The following AQP6 variants were observed in gnomAD, a reference collection of about 807,000 sequenced individuals.
The protein encoded by AQP6 is aquaporin 6, also known as aquaporin-6.
AQP6 carries 14 observed loss-of-function variants against 16.3 expected under a neutral mutation model. The ratio of observed to expected loss-of-function variants is 0.86; its 90% CI spans 0.57 to 1.34. AQP6 has a LOEUF of 1.34. Among genes scored for constraint, AQP6 ranks in the 40% most tolerant of loss-of-function variants. The pLI is 0.00. For missense variants in AQP6, 331 were observed against 379.7 expected (o/e 0.87, Z 1.07); for synonymous variants, 178 against 166.8 (o/e 1.07, Z -0.52).
rs954112173 is a variant in AQP6 at position 49,976,753 on chromosome 12, C to T, written c.*1082C>T. Reference sequence around the variant, plus strand: ...AGCCCACTCTCAGGCAGGAACAATCCTCAGAGGGGAAGTGCCCATCTAGCC... The same window carrying T: ...AGCCCACTCTCAGGCAGGAACAATCTTCAGAGGGGAAGTGCCCATCTAGCC... On this transcript the variant is annotated 3_prime_UTR_variant, in exon 4 of 4. Coordinates refer to ENST00000315520, the MANE Select transcript of AQP6 (RefSeq NM_001652.4). 5.6e-6 allele frequency: 3 copies of T among 540,406 alleles called. No individual in the cohort carries two copies. The highest frequency in any genetic ancestry group is 3.8e-5 in the African/African-American group (2 of 52,178). The allele number at this position is 540,406 out of a possible 1,614,324, so 33.5% of individuals were successfully genotyped here.
intron 1 of AQP6, 120 bp downstream of exon 1, chr12:49,973,695 C>T (rs1171851085): frequency 1.5e-6 from 2 of 1,366,252 alleles, no homozygotes; most frequent in Non-Finnish European, 1.9e-6. Flanking sequence ...GCAGGCTCCA[C>T]ATCCTCCCGG....
At position 49,975,471 on chromosome 12, in the gene AQP6, T is replaced by C. The variant is rs1337687287; in HGVS notation, c.649T>C (p.Trp217Arg). ...IGKFTVHWVF[W>R]VGPLMGALLA... is the part of the protein sequence containing the mutation. Reference sequence around the variant, plus strand: ...ACGACATCCTTCTCCTCAGGTCTTCTGGGTGGGGCCCCTGATGGGAGCCCT... The same window carrying C: ...ACGACATCCTTCTCCTCAGGTCTTCCGGGTGGGGCCCCTGATGGGAGCCCT... Residue 217 changes from tryptophan to arginine, a missense_variant, in exon 4 of 4, where the codon TGG (tryptophan) becomes CGG (arginine). Trp to Arg is a moderately radical substitution (Grantham distance 101). Transcript: ENST00000315520. The surrounding 1 kb of genome is among the most constrained non-coding windows in gnomAD (Gnocchi z 4.4). 1 of 1,599,102 alleles carries C rather than the reference T, an allele frequency of 6.3e-7. No homozygotes were observed. The highest frequency in any genetic ancestry group is 1.3e-5 in the African/African-American group (1 of 74,104).
chr12:49,974,929 A>C, intron 3 of AQP6, 103 bp downstream of exon 3: 2 of 1,512,610 alleles, frequency 1.3e-6, no homozygotes, highest in Non-Finnish European at 1.8e-6. Flanking sequence ...GGCCAGGGTG[A>C]ATGTCTTGGC....
rs1490236931 is a variant in AQP6 at position 49,975,132 on chromosome 12, G to C, written c.642+306G>C. The C allele has an allele frequency of 1.5e-6, 2 of 1,301,456 alleles. No homozygotes were observed. Among genetic ancestry groups the C allele is most frequent in the Non-Finnish European group, 1.9e-6 (2 of 1,025,830 alleles). The allele number at this position is 1,301,456 out of a possible 1,614,324, so 80.6% of individuals were successfully genotyped here. ...CAAACAGAAATAGACACACACACCA[G>C]CAGAGACAGAAACAGCAATAGCCAG... On this transcript the variant is annotated intron_variant, in intron 3 of 3. Coordinates refer to ENST00000315520, the MANE Select transcript of AQP6 (RefSeq NM_001652.4). This position sits in a 1 kb window ranked among gnomAD's most constrained non-coding sequence, Gnocchi z 4.4.
In AQP6 at chr12:49,975,488, G is replaced by A; in HGVS notation, c.666G>A (p.Met222Ile). 6.2e-7 allele frequency: 1 copy of A among 1,605,518 alleles called. No individual in the cohort carries two copies. The highest frequency in any genetic ancestry group is 8.5e-7 in the Non-Finnish European group (1 of 1,177,426). ...AGGTCTTCTGGGTGGGGCCCCTGAT[G>A]GGAGCCCTCCTGGCCTCACTGATCT... is the stretch of plus-strand genomic sequence containing the variant. The part of the protein sequence containing the change: ...VHWVFWVGPL[M>I]GALLASLIYN... The change falls in exon 4 of 4, where the codon ATG becomes ATA. Residue 222 changes from methionine (M) to isoleucine (I), a missense_variant. Coordinates refer to ENST00000315520, the MANE Select transcript of AQP6 (RefSeq NM_001652.4). This position sits in a 1 kb window ranked among gnomAD's most constrained non-coding sequence, Gnocchi z 4.4.
chr12:49,976,725 C>A lies in AQP6; in HGVS notation c.*1054C>A, dbSNP rs141000697. On this transcript the variant is annotated 3_prime_UTR_variant, in exon 4 of 4. Transcript: ENST00000315520. ...CAGGTGCTTGCCCCAGCTCCCACCC[C>A]ACAGCCCACTCTCAGGCAGGAACAA... The A allele has an allele frequency of 2.9e-4, 139 of 486,828 alleles. No homozygotes were observed. The highest frequency in any genetic ancestry group is 2.5e-3 in the African/African-American group (127 of 50,816). 30.2% of individuals were successfully genotyped at this position (486,828 alleles called of 1,614,324 possible).
Position 49,976,096 on chromosome 12 carries a change from A to G in AQP6, c.*425A>G, listed in dbSNP as rs1947571379. The G allele has an allele frequency of 6.4e-6, 1 of 155,930 alleles. No individual in the cohort carries two copies. Among genetic ancestry groups the G allele is most frequent in the Non-Finnish European group, 1.4e-5 (1 of 70,904 alleles). 9.7% of individuals were successfully genotyped at this position (155,930 alleles called of 1,614,324 possible). ...CCAGGAAACCCTTGGTCCAGAGAGG[A>G]CAGGCTTTCTGGAGGAATCAGGCCC... On this transcript the variant is annotated 3_prime_UTR_variant, in exon 4 of 4. Transcript: ENST00000315520.
rs1449104679 is a variant in AQP6, at chr12:49,975,831, A to C, written c.*160A>C. ...CCCTGGCATTACGTTTCTAGGTAGA[A>C]TCTGGGAGTGAATTTGTCCCATTCC... On this transcript the variant is annotated 3_prime_UTR_variant, in exon 4 of 4. Coordinates refer to ENST00000315520, the MANE Select transcript of AQP6 (RefSeq NM_001652.4). This position sits in a 1 kb window ranked among gnomAD's most constrained non-coding sequence, Gnocchi z 4.4. 1.2e-5 allele frequency: 12 copies of C among 995,922 alleles called. No individual in the cohort carries two copies. Among genetic ancestry groups the C allele is most frequent in the Admixed American group, 3.6e-5 (1 of 27,572 alleles). 61.7% of individuals were successfully genotyped at this position (995,922 alleles called of 1,614,324 possible).
intron 1 of AQP6, chr12:49,973,903 T>C: frequency 1.7e-6 from 2 of 1,201,238 alleles, no homozygotes; most frequent in Non-Finnish European, 2.1e-6. Flanking sequence ...CACGGGGACT[T>C]CATTTTTCTC....
Position 49,975,515 on chromosome 12 carries a change from C to T in AQP6, c.693C>T (p.Tyr231=), listed in dbSNP as rs776674202. The T allele has an allele frequency of 1.2e-6, 2 of 1,613,214 alleles. No individual in the cohort carries two copies. Among genetic ancestry groups the T allele is most frequent in the Middle Eastern group, 1.7e-4 (1 of 6,050 alleles). The stretch of plus-strand genomic sequence containing the variant: ...GAGCCCTCCTGGCCTCACTGATCTA[C>T]AACTTCGTCCTGTTCCCCGACACCA... ...LMGALLASLI[Y]NFVLFPDTKT... is the part of the protein sequence containing the mutation. Residue 231 remains tyrosine (Y), a synonymous_variant, in exon 4 of 4, where the codon TAC becomes TAT. Coordinates refer to ENST00000315520, the MANE Select transcript of AQP6 (RefSeq NM_001652.4). This position sits in a 1 kb window ranked among gnomAD's most constrained non-coding sequence, Gnocchi z 4.4.
Position 49,974,532 on chromosome 12 carries a change from C to G in AQP6, c.561+50C>G. On this transcript the variant is annotated intron_variant, in intron 2 of 3. Transcript: ENST00000315520. Reference sequence around the variant, plus strand: ...CACATGCACACACCGGGTCCGTCCCCGGGGAAACTGTGGAGCCCTGAAGGC... The same window carrying G: ...CACATGCACACACCGGGTCCGTCCCGGGGGAAACTGTGGAGCCCTGAAGGC... The G allele has an allele frequency of 1.9e-6, 3 of 1,545,112 alleles. No individual in the cohort carries two copies. The South Asian group carries it at 3.7e-5, about 19-fold the overall frequency.
chr12:49,976,092 G>A lies in AQP6; in HGVS notation c.*421G>A, dbSNP rs1947571360. 6.4e-6 allele frequency: 1 copy of A among 156,890 alleles called. No homozygotes were observed. The highest frequency in any genetic ancestry group is 1.4e-5 in the Non-Finnish European group (1 of 71,500). The allele number at this position is 156,890 out of a possible 1,614,324, so 9.7% of individuals were successfully genotyped here. A position where few individuals can be genotyped will look rare whatever the true frequency, so the allele number is the denominator to read the frequency against. On this transcript the variant is annotated 3_prime_UTR_variant, in exon 4 of 4. Coordinates refer to ENST00000315520, the MANE Select transcript of AQP6 (RefSeq NM_001652.4). ...CCACCCAGGAAACCCTTGGTCCAGAGAGGACAGGCTTTCTGGAGGAATCAG... is the reference window on the plus strand; with the variant it reads ...CCACCCAGGAAACCCTTGGTCCAGAAAGGACAGGCTTTCTGGAGGAATCAG...
At chr12:49,974,694 C>G in intron 2 of AQP6, 52 bp from the exon 3 acceptor site, 1 of 1,595,110 alleles carries the variant, frequency 6.3e-7, no homozygotes, top group Non-Finnish European at 8.6e-7. Flanking sequence ...ATGGTCCCCT[C>G]TCAGGCCTGC....
Position 49,974,826 on chromosome 12 carries a change from G to A in AQP6, c.642G>A (p.Trp214Ter), listed in dbSNP as rs1299368316. 1 of 1,614,160 alleles carries A rather than the reference G, an allele frequency of 6.2e-7. No individual in the cohort carries two copies. Among genetic ancestry groups the A allele is most frequent in the Non-Finnish European group, 8.5e-7 (1 of 1,179,988 alleles). The change falls in exon 3 of 4, where the codon TGG becomes TGA. Residue 214 changes from tryptophan to a stop codon, truncating the protein, a stop_gained and splice_region_variant. Transcript: ENST00000315520. LOFTEE classifies it low-confidence loss of function (END_TRUNC). ...TCATTGGGAAGTTCACAGTCCACTGGGTGAGCCCCTCTGCTGGCAGCCCTG... is the reference window on the plus strand; with the variant it reads ...TCATTGGGAAGTTCACAGTCCACTGAGTGAGCCCCTCTGCTGGCAGCCCTG... Reference protein sequence around the residue: ...AIIIGKFTVHWVFWVGPLMGA... With the variant: ...AIIIGKFTVH
At position 49,973,250 on chromosome 12, in the gene AQP6, C is replaced by A; in HGVS notation, c.77C>A (p.Ala26Glu). The A allele has an allele frequency of 6.2e-7, 1 of 1,614,026 alleles. No homozygotes were observed. The change falls in exon 1 of 4, where the codon GCG (alanine) becomes GAG (glutamate). Residue 26 changes from alanine to glutamate, a missense_variant. Coordinates refer to ENST00000315520, the MANE Select transcript of AQP6 (RefSeq NM_001652.4). The stretch of plus-strand genomic sequence containing the variant: ...AGGCTTTGGAAAGCCATCAGCAGGG[C>A]GCTGTTTGCAGAGTTCCTGGCCACG... ...ACRLWKAISR[A>E]LFAEFLATGL...
intron 3 of AQP6, 133 bp downstream of exon 3, chr12:49,974,959 G>GGCTTCA (rs769048897): frequency 1.3e-3 from 1,873 of 1,449,386 alleles, no homozygotes; most frequent in Non-Finnish European, 1.7e-3. Context: ...CTTTCTTTTC[G>GGCTTCA]GCTTCAGTTG....
intron 3 of AQP6, 145 bp downstream of exon 3, chr12:49,974,971 C>T (rs555580855): frequency 2.9e-4 from 424 of 1,439,506 alleles, no homozygotes; most frequent in Non-Finnish European, 3.6e-4. Flanking sequence ...CTTCAGTTGC[C>T]CAGGATACCC....
rs370151070 is a variant in AQP6 at position 49,973,335 on chromosome 12, C to T, written c.162C>T (p.Ser54=). Residue 54 remains serine, a synonymous_variant, in exon 1 of 4, where the codon TCC becomes TCT. Coordinates refer to ENST00000315520, the MANE Select transcript of AQP6 (RefSeq NM_001652.4). ...SVMRWPTALP[S]VLQIAITFNL... ...TGCGCTGGCCCACAGCACTTCCCTC[C>T]GTGCTACAGATTGCCATCACCTTCA... 10 of 1,613,644 alleles carry T rather than the reference C, an allele frequency of 6.2e-6. No homozygotes were observed. The highest frequency in any genetic ancestry group is 2.7e-5 in the African/African-American group (2 of 75,070).
At position 49,973,546 on chromosome 12, in the gene AQP6, G is replaced by A. The variant is rs762210162; in HGVS notation, c.373G>A (p.Asp125Asn). The A allele has an allele frequency of 6.2e-7, 1 of 1,610,492 alleles. No homozygotes were observed. Among genetic ancestry groups the A allele is most frequent in the Non-Finnish European group, 8.5e-7 (1 of 1,178,430 alleles). The change falls in exon 1 of 4, where the codon GAC (aspartate) becomes AAC (asparagine). Residue 125 changes from aspartate (D) to asparagine (N), a missense_variant. By Grantham distance (23) the Asp-to-Asn change is conservative. Transcript: ENST00000315520. ...AALLYGVMPG[D>N]IRETLGINVV... The stretch of plus-strand genomic sequence containing the variant: ...TCTGCTTTATGGGGTCATGCCGGGA[G>A]ACATCCGAGAGACCCTTGGGATCAA...
Sources: allele counts gnomAD v4.1 joint callset, GRCh38; gene constraint gnomAD v4.1.1; non-coding constraint Gnocchi (gnomAD v3.1); transcripts MANE v1.5; gene names NCBI Gene and HGNC (gene_info 2026-07-23, HGNC 2026-07-21).